Variants in MYT1L observed in about 807,000 individuals in gnomAD.
MYT1L encodes myelin transcription factor 1 like.
Under a neutral mutation model 126.7 loss-of-function variants are expected in MYT1L, and 12 were observed. That is an observed-to-expected ratio of 0.09 (90% CI 0.06 to 0.15). MYT1L has a LOEUF of 0.15. Ranked by LOEUF, MYT1L falls within the 10% of genes least tolerant of loss-of-function variation. The probability of loss-of-function intolerance (pLI) is 1.00; values close to 1 mark genes in which losing one functional copy is unlikely to be tolerated. For synonymous variants in MYT1L, 541 were observed against 604.2 expected, an observed-to-expected ratio of 0.90 and a Z score of 1.53; for missense variants, 979 against 1,585.2, an observed-to-expected ratio of 0.62 and a Z score of 6.49.
At chr2:2,278,381 C>T (rs1191114673) in intron 2 of MYT1L, among the ~76,000 whole-genome samples, 1 of 152,180 alleles carries the variant, frequency 6.6e-6, no homozygotes, top group Non-Finnish European at 1.5e-5. Context: ...CCTCCTCTGT[C>T]ACTGTTATGC....
chr2:2,043,106 T>C (rs2067741809), intron 4 of MYT1L, among the ~76,000 whole-genome samples: 1 of 152,160 alleles, frequency 6.6e-6, no homozygotes, highest in Non-Finnish European at 1.5e-5. Flanking sequence ...TCACCCACGT[T>C]CTTTGAGGGT....
At chr2:1,829,088 G>C (rs2039757839) in intron 21 of MYT1L, among the ~76,000 whole-genome samples, 1 of 152,062 alleles carries the variant, frequency 6.6e-6, no homozygotes, top group Non-Finnish European at 1.5e-5. Flanking sequence ...CATCCTCCCT[G>C]CATCTACTGG....
chr2:1,886,340 C>T (rs891102838), intron 18 of MYT1L, 199 bp downstream of exon 18: 2 of 421,620 alleles, frequency 4.7e-6, no homozygotes, highest in African/African-American at 2.0e-5. Context: ...GGAGGTATGT[C>T]AGGGGAAAAG....
chr2:1,922,878 C>A lies in MYT1L; in HGVS notation c.891G>T (p.Met297Ile). The A allele has an allele frequency of 6.2e-7, 1 of 1,613,996 alleles. No homozygotes were observed. The highest frequency in any genetic ancestry group is 8.5e-7 in the Non-Finnish European group (1 of 1,179,904). The change falls in exon 10 of 25, where the codon ATG becomes ATT. Residue 297 changes from methionine to isoleucine, a missense_variant. Transcript: ENST00000647738. This position sits in a 1 kb window ranked among gnomAD's most constrained non-coding sequence, Gnocchi z 7.4. Reference sequence around the variant, plus strand: ...TGGGCTTCCCCAACATGACGTAATTCATATTTCTACTGTCTTGCTGCGACA... The same window carrying A: ...TGGGCTTCCCCAACATGACGTAATTAATATTTCTACTGTCTTGCTGCGACA... ...DSMSQQDSRNMNYVMLGKPMN... is the reference protein window; with the variant it reads ...DSMSQQDSRNINYVMLGKPMN...
rs760901038 is a variant in MYT1L, at chr2:2,236,757, TTTCTTCTTCTTCTTC to T, written c.-421+47632_-421+47646del. ...ACTGGTGAAGACTCATTGGTTGTCC[TTTCTTCTTCTTCTTC>T]TTCTTCTTCTTCTTCTTCTTCTTCT... On this transcript the variant is annotated intron_variant, in intron 2 of 24. Coordinates refer to ENST00000647738, the MANE Select transcript of MYT1L (RefSeq NM_001303052.2). 8.4e-3 allele frequency among the ~76,000 whole-genome samples: 1,116 copies of T among 132,588 alleles called. 22 individuals are homozygous for T. Among genetic ancestry groups the T allele is most frequent in the Middle Eastern group, 0.012 (3 of 252 alleles). The allele number at this position is 132,588 out of a possible 152,430, so 87.0% of individuals were successfully genotyped here.
chr2:1,981,638 G>T (rs184040714), intron 5 of MYT1L, among the ~76,000 whole-genome samples: 167 of 152,336 alleles, frequency 1.1e-3, no homozygotes, highest in African/African-American at 3.6e-3. Flanking sequence ...GGATGTACCG[G>T]GAGGCCCCGC....
intron 3 of MYT1L, among the ~76,000 whole-genome samples, chr2:2,144,656 G>T (rs2084596950): frequency 6.6e-6 from 1 of 152,192 alleles, no homozygotes; most frequent in South Asian, 2.1e-4. Flanking sequence ...AGTGAACCAT[G>T]AAAGTCCAGC....
chr2:2,271,083 G>A (rs779335195), intron 2 of MYT1L, among the ~76,000 whole-genome samples: 10 of 152,166 alleles, frequency 6.6e-5, no homozygotes, highest in Non-Finnish European at 8.8e-5. Context: ...ATGTGTTTAC[G>A]GATTCTCACC....
intron 8 of MYT1L, among the ~76,000 whole-genome samples, chr2:1,975,024 T>C (rs747965217): frequency 1.3e-5 from 2 of 152,240 alleles, no homozygotes; most frequent in South Asian, 2.1e-4. Flanking sequence ...ATAAATATTA[T>C]AACCTTACTC....
chr2:2,327,846 G>T (rs1021167561), intron 1 of MYT1L, among the ~76,000 whole-genome samples: 1 of 151,770 alleles, frequency 6.6e-6, no homozygotes, highest in African/African-American at 2.4e-5. Flanking sequence ...AATATTTAAG[G>T]GTAAATAAAC....
intron 8 of MYT1L, among the ~76,000 whole-genome samples, chr2:1,949,408 G>A (rs985430567): frequency 2.6e-5 from 4 of 152,012 alleles, no homozygotes; most frequent in African/African-American, 9.7e-5. Flanking sequence ...CATGCCTCCT[G>A]GGCCCATGCG....
chr2:2,041,711 CG>C (rs1160902009), intron 4 of MYT1L, among the ~76,000 whole-genome samples: 1 of 152,084 alleles, frequency 6.6e-6, no homozygotes, highest in East Asian at 1.9e-4. Context: ...ATGGATTTTC[CG>C]GAAAGAAGGG....
intron 4 of MYT1L, among the ~76,000 whole-genome samples, chr2:2,050,692 A>G (rs2068726365): frequency 6.6e-6 from 1 of 152,184 alleles, no homozygotes; most frequent in East Asian, 1.9e-4. Context: ...TGCAGACAGA[A>G]AAGATGACAC....
At chr2:1,883,115 C>T (rs1237196859) in intron 18 of MYT1L, among the ~76,000 whole-genome samples, 2 of 152,152 alleles carry the variant, frequency 1.3e-5, no homozygotes, top group Non-Finnish European at 2.9e-5. Context: ...ACAAGTGTCC[C>T]AAGGTTCTTT....
intron 1 of MYT1L, among the ~76,000 whole-genome samples, chr2:2,311,114 G>A (rs2095962419): frequency 6.6e-6 from 1 of 152,142 alleles, no homozygotes; most frequent in Non-Finnish European, 1.5e-5. Flanking sequence ...CCAGACCCCG[G>A]ATCTGAACAC....
At chr2:1,900,882 G>A (rs1573388517) in intron 14 of MYT1L, among the ~76,000 whole-genome samples, 1 of 152,126 alleles carries the variant, frequency 6.6e-6, no homozygotes, top group African/African-American at 2.4e-5. Context: ...CAGCTTTAGT[G>A]TCCACAGGAG....
At chr2:2,218,274 T>G (rs907825271) in intron 2 of MYT1L, among the ~76,000 whole-genome samples, 1 of 152,206 alleles carries the variant, frequency 6.6e-6, no homozygotes, top group African/African-American at 2.4e-5. Context: ...TAAAATTTCA[T>G]AGCAACTTAA....
Position 1,929,372 on chromosome 2 carries a change from C to G in MYT1L, c.506-6109G>C, listed in dbSNP as rs1482469234. Among the ~76,000 whole-genome samples the G allele has an allele frequency of 6.6e-6, 1 of 152,184 alleles. No individual in the cohort carries two copies. The highest frequency in any genetic ancestry group is 1.5e-5 in the Non-Finnish European group (1 of 68,030). ...CAGTGAGGCCCTTCACTAGAAGACCCCTGAGGCGCCCTCTAACTCAGAGCC... is the reference window on the plus strand; with the variant it reads ...CAGTGAGGCCCTTCACTAGAAGACCGCTGAGGCGCCCTCTAACTCAGAGCC... On this transcript the variant is annotated intron_variant, in intron 9 of 24. Coordinates refer to ENST00000647738, the MANE Select transcript of MYT1L (RefSeq NM_001303052.2). The surrounding 1 kb of genome is among the most constrained non-coding windows in gnomAD (Gnocchi z 4.7).
At chr2:1,993,835 C>G (rs556400704) in intron 5 of MYT1L, among the ~76,000 whole-genome samples, 1 of 152,192 alleles carries the variant, frequency 6.6e-6, no homozygotes, top group Non-Finnish European at 1.5e-5. Flanking sequence ...AGTAAAGCCA[C>G]GTGTCTCGTC....
Sources: gnomAD v4.1 joint callset for allele counts (sites outside exome capture counted in the v4.1 genomes callset) on GRCh38, gnomAD v4.1.1 for gene constraint, Gnocchi (gnomAD v3.1) non-coding constraint, MANE v1.5 for transcripts, NCBI Gene and HGNC (gene_info 2026-07-23, HGNC 2026-07-21) for gene names.